The following HERC6 variants were observed in gnomAD, a reference collection of about 807,000 sequenced individuals.
HERC6 encodes the protein probable E3 ubiquitin-protein ligase HERC6.
HERC6 carries 101 observed loss-of-function variants against 114.5 expected under a neutral mutation model. That is an observed-to-expected ratio of 0.88 (90% CI 0.75 to 1.04). The LOEUF is 1.04. HERC6 is among the 50% of genes least tolerant of loss of function. The probability of loss-of-function intolerance (pLI) is 0.00; values close to 1 mark genes in which losing one functional copy is unlikely to be tolerated. For synonymous variants in HERC6, 408 were observed against 436.2 expected (o/e 0.94, Z 0.81); for missense variants, 1,133 against 1,230.9 (o/e 0.92, Z 1.19).
At chr4:88,384,349 A>G (rs908509879) in intron 2 of HERC6, among the ~76,000 whole-genome samples, 1 of 152,208 alleles carries the variant, frequency 6.6e-6, no homozygotes, top group Non-Finnish European at 1.5e-5. Flanking sequence ...ATATTGGACC[A>G]AAGGTGGAAG....
At chr4:88,429,803 C>CA (rs1221801209) in intron 16 of HERC6, among the ~76,000 whole-genome samples, 2 of 152,198 alleles carry the variant, frequency 1.3e-5, no homozygotes, top group Non-Finnish European at 2.9e-5. Flanking sequence ...TGTCTCCCTT[C>CA]ATACCTATTT....
intron 15 of HERC6, among the ~76,000 whole-genome samples, chr4:88,426,427 C>A (rs1343845359): frequency 2.0e-5 from 3 of 151,744 alleles, no homozygotes; most frequent in Non-Finnish European, 4.4e-5. Flanking sequence ...CTTGGCCTCC[C>A]AAAGTGCTGG....
chr4:88,421,648 G>A (rs553743879), intron 13 of HERC6, among the ~76,000 whole-genome samples: 3 of 152,140 alleles, frequency 2.0e-5, no homozygotes, highest in Admixed American at 1.3e-4. Flanking sequence ...GTTTTACCAT[G>A]TTGGCCAGAC....
rs961327271 is a variant in HERC6 at position 88,437,038 on chromosome 4, T to C, written c.2484+67T>C. 14 of 1,199,980 alleles carry C rather than the reference T, an allele frequency of 1.2e-5. No individual in the cohort carries two copies. The East Asian group carries it at 1.3e-4, about 11-fold the overall frequency. The allele number at this position is 1,199,980 out of a possible 1,614,324, so 74.3% of individuals were successfully genotyped here. ...TGTTTCTAAAAAATAATTTTTATTA[T>C]AGTATCTTAAATTTGGGATCCCTTT... On this transcript the variant is annotated intron_variant, in intron 19 of 22. Transcript: ENST00000264346.
chr4:88,394,767 A>C (rs933744957), intron 5 of HERC6, among the ~76,000 whole-genome samples: 1 of 151,670 alleles, frequency 6.6e-6, no homozygotes, highest in African/African-American at 2.4e-5. Flanking sequence ...CTGGTATCAA[A>C]CTCCTGACCT....
At chr4:88,386,960 T>G (rs1265656033) in intron 3 of HERC6, among the ~76,000 whole-genome samples, 1 of 152,216 alleles carries the variant, frequency 6.6e-6, no homozygotes, top group Admixed American at 6.5e-5. Context: ...ACTATAACAT[T>G]TGTATGTTCC....
intron 15 of HERC6, 80 bp downstream of exon 15, chr4:88,424,782 C>A: frequency 1.3e-6 from 1 of 761,714 alleles, no homozygotes. Context: ...ATCCCATCAC[C>A]AAGATTCAGC....
At chr4:88,398,402 A>G in intron 8 of HERC6, 193 bp downstream of exon 8, 2 of 404,618 alleles carry the variant, frequency 4.9e-6, no homozygotes. Flanking sequence ...AACAGATTAG[A>G]CCCCCCCACC....
chr4:88,412,931 G>C (rs1196473948), intron 11 of HERC6, 146 bp from the exon 12 acceptor site: 1 of 609,584 alleles, frequency 1.6e-6, no homozygotes, highest in East Asian at 2.7e-5. Flanking sequence ...GAGTGATGGA[G>C]TCTCATCAAT....
intron 16 of HERC6, 33 bp downstream of exon 16, chr4:88,428,783 T>G (rs1429575517): frequency 6.8e-7 from 1 of 1,461,402 alleles, no homozygotes; most frequent in African/African-American, 1.4e-5. Context: ...ACATTTTTAC[T>G]TCTGTGGGAG....
At chr4:88,418,314 C>A (rs1736695156) in intron 13 of HERC6, among the ~76,000 whole-genome samples, 1 of 152,012 alleles carries the variant, frequency 6.6e-6, no homozygotes. Context: ...AGAAAAAAAA[C>A]CCAGAATCAC....
chr4:88,431,305 G>A lies in HERC6; in HGVS notation c.2250G>A (p.Lys750=), dbSNP rs768800789. 6.3e-7 allele frequency: 1 copy of A among 1,585,020 alleles called. No individual in the cohort carries two copies. Among genetic ancestry groups the A allele is most frequent in the Admixed American group, 1.9e-5 (1 of 51,792 alleles). The change falls in exon 17 of 23, where the codon AAG becomes AAA. Residue 750 remains lysine (K), a splice_region_variant and synonymous_variant. Coordinates refer to ENST00000264346, the MANE Select transcript of HERC6 (RefSeq NM_017912.4). ...EMGSCMWFPA[K]PKPEKKRYFL... ...GTTCCTGCATGTGGTTTCCTGCCAA[G>A]GTAAGTCTTTTCTTTTTTTTTTTTC...
chr4:88,405,568 T>C lies in HERC6; in HGVS notation c.1229T>C (p.Ile410Thr), dbSNP rs747732115. Reference sequence around the variant, plus strand: ...TACTTTTACAGTGAAATTAGAATGATATTTTCATCTCCTGCTTGTCTGACT... The same window carrying C: ...TACTTTTACAGTGAAATTAGAATGACATTTTCATCTCCTGCTTGTCTGACT... Reference protein sequence around the residue: ...HEMAKSEIRMIFSSPACLTAS... With the variant: ...HEMAKSEIRMTFSSPACLTAS... The change falls in exon 10 of 23, where the codon ATA (isoleucine) becomes ACA (threonine). Residue 410 changes from isoleucine (I) to threonine (T), a missense_variant. Ile to Thr is a moderately conservative substitution (Grantham distance 89). Coordinates refer to ENST00000264346, the MANE Select transcript of HERC6 (RefSeq NM_017912.4). The C allele has an allele frequency of 5.8e-6, 9 of 1,538,878 alleles. No individual in the cohort carries two copies. In the South Asian group the frequency reaches 1.1e-4, roughly 19 times the overall value.
chr4:88,411,774 C>T (rs1736118021), intron 11 of HERC6, among the ~76,000 whole-genome samples: 1 of 152,212 alleles, frequency 6.6e-6, no homozygotes, highest in African/African-American at 2.4e-5. Context: ...TTTCCAGCAT[C>T]TCTAGGCCCT....
At chr4:88,420,844 T>G (rs1736976123) in intron 13 of HERC6, among the ~76,000 whole-genome samples, 1 of 152,084 alleles carries the variant, frequency 6.6e-6, no homozygotes, top group Non-Finnish European at 1.5e-5. Flanking sequence ...TTGTATAACC[T>G]TTACCCAAAT....
chr4:88,435,342 T>C (rs1374900532), intron 17 of HERC6, among the ~76,000 whole-genome samples: 3 of 152,048 alleles, frequency 2.0e-5, no homozygotes, highest in African/African-American at 7.2e-5. Context: ...TCATCTAATA[T>C]GCCTGGTGAC....
intron 20 of HERC6, among the ~76,000 whole-genome samples, chr4:88,438,666 G>C (rs1739010422): frequency 6.6e-6 from 1 of 152,222 alleles, no homozygotes; most frequent in African/African-American, 2.4e-5. Context: ...GTACCAGCTT[G>C]TGAGAGCTGA....
At chr4:88,424,421 G>T (rs1737383119) in intron 14 of HERC6, among the ~76,000 whole-genome samples, 174 bp from the exon 15 acceptor site, 1 of 152,098 alleles carries the variant, frequency 6.6e-6, no homozygotes, top group Admixed American at 6.5e-5. Flanking sequence ...GGAGGTTTTA[G>T]TGAGCCAAGT....
In HERC6 at chr4:88,428,764, T is replaced by G; in HGVS notation, c.2106+14T>G. On this transcript the variant is annotated intron_variant, in intron 16 of 22. Coordinates refer to ENST00000264346, the MANE Select transcript of HERC6 (RefSeq NM_017912.4). ...AAAGTATTAGTGGTACAGTAAAAAG[T>G]CTCATTGAACATTTTTACTTCTGTG... 6.7e-7 allele frequency: 1 copy of G among 1,493,566 alleles called. No individual in the cohort carries two copies. Among genetic ancestry groups the G allele is most frequent in the Non-Finnish European group, 8.9e-7 (1 of 1,123,274 alleles). 92.5% of individuals were successfully genotyped at this position (1,493,566 alleles called of 1,614,324 possible). A position where few individuals can be genotyped will look rare whatever the true frequency, so the allele number is the denominator to read the frequency against.
Sources: gnomAD v4.1 joint callset for allele counts (sites outside exome capture counted in the v4.1 genomes callset) on GRCh38, gnomAD v4.1.1 for gene constraint, MANE v1.5 for transcripts, NCBI Gene and HGNC (gene_info 2026-07-23, HGNC 2026-07-21) for gene names.